ELAVL2: variants seen among roughly 807,000 people sequenced by gnomAD.
ELAVL2 encodes ELAV like RNA binding protein 2.
ELAVL2 carries 4 observed loss-of-function variants against 34.6 expected under a neutral mutation model. The observed-to-expected ratio is 0.12, with a 90% CI of 0.06 to 0.26. ELAVL2 has a LOEUF of 0.26. Among genes scored for constraint, ELAVL2 ranks in the 10% least tolerant of loss-of-function variants. ELAVL2 has a pLI of 1.00. For synonymous variants in ELAVL2, 193 were observed against 154.8 expected (o/e 1.25, Z -1.83); for missense variants, 432 against 442.8 (o/e 0.98, Z 0.22).
At chr9:23,831,066 G>GAAAC (rs1306527755), upstream of ELAVL2, among the ~76,000 whole-genome samples, 1 of 152,152 alleles carries the variant, frequency 6.6e-6, no homozygotes, top group East Asian at 1.9e-4. Flanking sequence ...AAAGTTAAAG[G>GAAAC]AAACCATCTG....
chr9:23,728,801 T>C (rs1260258326), intron 3 of ELAVL2, among the ~76,000 whole-genome samples: 2 of 152,082 alleles, frequency 1.3e-5, no homozygotes, highest in African/African-American at 2.4e-5. Context: ...GGGTGCTATA[T>C]ACTTGTGGGA....
intron 5 of ELAVL2, among the ~76,000 whole-genome samples, chr9:23,700,975 C>T (rs2036995471): frequency 6.6e-6 from 1 of 152,112 alleles, no homozygotes; most frequent in African/African-American, 2.4e-5. Context: ...ATTATTGGTG[C>T]TTTGGACCAG....
intron 1 of ELAVL2, among the ~76,000 whole-genome samples, chr9:23,787,514 G>T (rs1453683900): frequency 6.6e-6 from 1 of 151,362 alleles, no homozygotes; most frequent in Admixed American, 6.6e-5. Context: ...TTACAGGCAT[G>T]AGCCACCACG....
chr9:23,819,863 C>A (rs2064284012), intron 1 of ELAVL2, among the ~76,000 whole-genome samples: 1 of 152,162 alleles, frequency 6.6e-6, no homozygotes. Context: ...TCTTCCTCTT[C>A]TTTCTCTCCC....
chr9:23,782,851 C>G (rs1395319863), intron 1 of ELAVL2, among the ~76,000 whole-genome samples: 1 of 152,168 alleles, frequency 6.6e-6, no homozygotes, highest in Admixed American at 6.5e-5. Context: ...GGAAGCATAG[C>G]TAAGGATGGA....
intron 3 of ELAVL2, among the ~76,000 whole-genome samples, chr9:23,707,472 C>T (rs2039696386): frequency 6.6e-6 from 1 of 151,590 alleles, no homozygotes; most frequent in Non-Finnish European, 1.5e-5. Context: ...TATGAACAGC[C>T]ATGTCCCATG....
intron 5 of ELAVL2, 47 bp from the exon 6 acceptor site, chr9:23,693,533 T>C (rs569757223): frequency 3.1e-5 from 50 of 1,612,252 alleles, no homozygotes; most frequent in Middle Eastern, 1.7e-4. Context: ...TTTTTCCCCT[T>C]GATGTTCAAG....
intron 1 of ELAVL2, among the ~76,000 whole-genome samples, chr9:23,798,299 C>A (rs1272984834): frequency 6.6e-6 from 1 of 152,194 alleles, no homozygotes; most frequent in East Asian, 1.9e-4. Flanking sequence ...AACACCTGGG[C>A]AGAGAGAATT....
At chr9:23,744,121 G>GATCCCAC in intron 2 of ELAVL2, among the ~76,000 whole-genome samples, 1 of 152,288 alleles carries the variant, frequency 6.6e-6, no homozygotes, top group African/African-American at 2.4e-5. Context: ...TTATGAATTT[G>GATCCCAC]AGATTGGGAT....
At chr9:23,730,647 G>T (rs973006918) in intron 3 of ELAVL2, among the ~76,000 whole-genome samples, 4 of 152,256 alleles carry the variant, frequency 2.6e-5, no homozygotes, top group African/African-American at 7.2e-5. Context: ...TTGAGAAGTT[G>T]TGACAGAATG....
At chr9:23,803,653 T>C (rs1406121184) in intron 1 of ELAVL2, among the ~76,000 whole-genome samples, 1 of 152,088 alleles carries the variant, frequency 6.6e-6, no homozygotes, top group African/African-American at 2.4e-5. Context: ...CAGTGTCCTC[T>C]AGAAACCCAC....
intron 1 of ELAVL2, among the ~76,000 whole-genome samples, chr9:23,797,408 T>G (rs2061062872): frequency 6.6e-6 from 1 of 152,208 alleles, no homozygotes; most frequent in Admixed American, 6.5e-5. Context: ...TGAAGAAATG[T>G]GTAAGTCATC....
chr9:23,729,162 T>A (rs1312860926), intron 3 of ELAVL2, among the ~76,000 whole-genome samples: 1 of 152,162 alleles, frequency 6.6e-6, no homozygotes. Flanking sequence ...TGGATCTTCG[T>A]GCAGGAGGAT....
chr9:23,704,242 T>C (rs754766294), intron 4 of ELAVL2, among the ~76,000 whole-genome samples: 9 of 152,048 alleles, frequency 5.9e-5, no homozygotes, highest in Non-Finnish European at 1.2e-4. Flanking sequence ...AAGTATTGCT[T>C]TTATAATAGA....
the ELAVL2 span, chr9:23,849,534 C>T: frequency 6.6e-6 from 1 of 152,164 alleles, no homozygotes; most frequent in Non-Finnish European, 1.5e-5. Context: ...TCAGGAGTGA[C>T]CCGGCTAATG....
upstream of ELAVL2, among the ~76,000 whole-genome samples, chr9:23,829,271 T>C (rs888013238): frequency 6.6e-6 from 1 of 152,188 alleles, no homozygotes; most frequent in Non-Finnish European, 1.5e-5. Flanking sequence ...AATTTAATTA[T>C]TTTACTGAAG....
chr9:23,750,654 C>G (rs1443937506), intron 2 of ELAVL2, among the ~76,000 whole-genome samples: 2 of 152,068 alleles, frequency 1.3e-5, no homozygotes, highest in East Asian at 1.9e-4. Context: ...TAGGAGAGCC[C>G]TTGTCTACAT....
intron 6 of ELAVL2, 69 bp downstream of exon 6, chr9:23,693,379 A>C: frequency 6.3e-7 from 1 of 1,587,528 alleles, no homozygotes; most frequent in Non-Finnish European, 8.6e-7. Context: ...TGTGAATAGC[A>C]CTCCCAAAAT....
At chr9:23,806,208 G>C (rs2062199300) in intron 1 of ELAVL2, among the ~76,000 whole-genome samples, 1 of 152,008 alleles carries the variant, frequency 6.6e-6, no homozygotes, top group Non-Finnish European at 1.5e-5. Flanking sequence ...AAATATGTAA[G>C]TTATACAACT....
Sources: gnomAD v4.1 joint callset for allele counts (sites outside exome capture counted in the v4.1 genomes callset) on GRCh38, gnomAD v4.1.1 for gene constraint, MANE v1.5 for transcripts, NCBI Gene and HGNC (gene_info 2026-07-23, HGNC 2026-07-21) for gene names.